Variants in C19orf12 observed in about 807,000 individuals in gnomAD.
C19orf12 encodes protein C19orf12.
Under a neutral mutation model 3.8 loss-of-function variants are expected in C19orf12, and 2 were observed. The observed-to-expected ratio is 0.53, with a 90% CI of 0.22 to 1.66. The LOEUF (loss-of-function observed/expected upper bound fraction) is 1.66. C19orf12 is among the 40% of genes most tolerant of loss of function. The pLI is 0.20. For synonymous variants in C19orf12, 89 were observed against 84.6 expected, an observed-to-expected ratio of 1.05 and a Z score of -0.28; for missense variants, 156 against 188.8, an observed-to-expected ratio of 0.83 and a Z score of 1.02.
intron 1 of C19orf12, among the ~76,000 whole-genome samples, chr19:29,713,169 C>G (rs1430659566): frequency 6.6e-6 from 1 of 152,176 alleles, no homozygotes; most frequent in Admixed American, 6.5e-5. Flanking sequence ...CTTCTCCCAC[C>G]GCAAGGCTGC....
At chr19:29,715,417 C>T (rs1013688206), upstream of C19orf12, 1 of 410,592 alleles carries the variant, frequency 2.4e-6, no homozygotes, top group Non-Finnish European at 4.9e-6. Flanking sequence ...CCGCCGCTGT[C>T]ACCGGGGCCC....
At chr19:29,715,306 G>A (rs1284196065), upstream of C19orf12, 1 of 394,052 alleles carries the variant, frequency 2.5e-6, no homozygotes, top group Admixed American at 3.0e-5. Flanking sequence ...GGGCCTTCCG[G>A]GAAGCCACGC....
intron 2 of C19orf12, among the ~76,000 whole-genome samples, chr19:29,704,004 T>A (rs1448120674): frequency 2.0e-5 from 3 of 150,904 alleles, no homozygotes; most frequent in Non-Finnish European, 4.4e-5. Flanking sequence ...AAAGAAACCA[T>A]CTCAGTGGTG....
rs1204904947 is a variant in C19orf12 at position 29,714,888 on chromosome 19, T to C, written c.-11+237A>G. ...AGCGAGCCAGGGCCCGGGACTCTAG[T>C]CCCAGCTCTGCTGCTTACTTGTGTG... is the stretch of plus-strand genomic sequence containing the variant. On this transcript the variant is annotated intron_variant, in intron 1 of 2. Coordinates refer to ENST00000323670, the MANE Select transcript of C19orf12 (RefSeq NM_031448.6). 6.5e-6 allele frequency: 4 copies of C among 619,828 alleles called. No homozygotes were observed. In the Admixed American group the frequency reaches 8.7e-5, roughly 14 times the overall value. The allele number at this position is 619,828 out of a possible 1,614,324, so 38.4% of individuals were successfully genotyped here.
intron 2 of C19orf12, among the ~76,000 whole-genome samples, chr19:29,706,362 T>G (rs1234662544): frequency 6.6e-6 from 1 of 152,190 alleles, no homozygotes; most frequent in African/African-American, 2.4e-5. Flanking sequence ...TTACTGGCTC[T>G]TTGGAGAGGA....
At chr19:29,711,565 C>A (rs2162933) in intron 1 of C19orf12, among the ~76,000 whole-genome samples, 100,175 of 152,082 alleles carry the variant, frequency 0.66, 34,982 homozygotes, top group African/African-American at 0.89. Flanking sequence ...TCCCTTTCCC[C>A]GGGCGTGAAG....
In C19orf12 at chr19:29,702,932, T is replaced by A; in HGVS notation, c.206A>T (p.Gln69Leu). The A allele has an allele frequency of 6.2e-7, 1 of 1,614,168 alleles. No individual in the cohort carries two copies. Among genetic ancestry groups the A allele is most frequent in the African/African-American group, 1.3e-5 (1 of 75,054 alleles). ...TAGGATCTGAGGAACCGGCTTAAAC[T>A]GTCCACTTGTCATCCAGGCACCTAA... Reference protein sequence around the residue: ...GLLGAWMTSGQFKPVPQILME... With the variant: ...GLLGAWMTSGLFKPVPQILME... The change falls in exon 3 of 3, where the codon CAG (glutamine) becomes CTG (leucine). Residue 69 changes from glutamine (Q) to leucine (L), a missense_variant. By Grantham distance (113) the Gln-to-Leu change is moderately radical (BLOSUM62 -2). Transcript: ENST00000323670.
intron 1 of C19orf12, chr19:29,714,878 G>A (rs1599558007): frequency 2.2e-6 from 1 of 447,934 alleles, no homozygotes; most frequent in Non-Finnish European, 4.5e-6. Flanking sequence ...GCCAGGGCCC[G>A]GGACTCTAGT....
rs188837937 is a variant in C19orf12 at position 29,699,324 on chromosome 19, A to T, written c.*3388T>A. On this transcript the variant is annotated 3_prime_UTR_variant, in exon 3 of 3. Transcript: ENST00000323670. ...CTACTAAAAATAAAAAAAAAATAAA[A>T]AAATAAAAATTAGCCGGGCATGGTG... The T allele has an allele frequency of 2.2e-3, 813 of 368,062 alleles. 8 individuals carry two copies. Among genetic ancestry groups the T allele is most frequent in the African/African-American group, 0.017 (774 of 46,628 alleles). The allele number at this position is 368,062 out of a possible 1,614,324, so 22.8% of individuals were successfully genotyped here.
chr19:29,713,625 C>T (rs1972797492), intron 1 of C19orf12, among the ~76,000 whole-genome samples: 1 of 152,172 alleles, frequency 6.6e-6, no homozygotes, highest in South Asian at 2.1e-4. Context: ...AGGTGGATCC[C>T]ACCAGCAAAC....
At chr19:29,705,802 G>A (rs911740292) in intron 2 of C19orf12, among the ~76,000 whole-genome samples, 1 of 152,124 alleles carries the variant, frequency 6.6e-6, no homozygotes, top group African/African-American at 2.4e-5. Flanking sequence ...ACAGAGGCAT[G>A]CGCCACTGCA....
upstream of C19orf12, chr19:29,715,337 C>G (rs1373414554): frequency 5.1e-6 from 2 of 390,562 alleles, no homozygotes; most frequent in South Asian, 3.5e-5. Flanking sequence ...CTCCTGGCTC[C>G]GAGCTGCGCC....
At chr19:29,703,681 A>G (rs1972233423) in intron 2 of C19orf12, among the ~76,000 whole-genome samples, 1 of 152,002 alleles carries the variant, frequency 6.6e-6, no homozygotes, top group Non-Finnish European at 1.5e-5. Flanking sequence ...AACCAGCCAC[A>G]AATGCATTTT....
intron 1 of C19orf12, among the ~76,000 whole-genome samples, chr19:29,708,816 G>T (rs1972515954): frequency 6.6e-6 from 1 of 152,242 alleles, no homozygotes. Context: ...CAGAGAACGG[G>T]AAGTCCCGGC....
rs756687848 is a variant in C19orf12 at position 29,702,897 on chromosome 19, G to T, written c.241C>A (p.Pro81Thr). 1.2e-6 allele frequency: 2 copies of T among 1,614,222 alleles called. No homozygotes were observed. ...AAGAGCCTCTGTTGCTCGGCAGGGG[G>T]CAGCTCCATTAGGATCTGAGGAACC... ...KPVPQILMEL[P>T]PAEQQRLFNE... The change falls in exon 3 of 3, where the codon CCC (proline) becomes ACC (threonine). Residue 81 changes from proline (P) to threonine (T), a missense_variant. By Grantham distance (38) the Pro-to-Thr change is conservative (BLOSUM62 -1). Transcript: ENST00000323670.
intron 1 of C19orf12, among the ~76,000 whole-genome samples, chr19:29,714,286 A>G (rs1972843226): frequency 6.6e-6 from 1 of 152,016 alleles, no homozygotes; most frequent in South Asian, 2.1e-4. Context: ...CAAGGTCAGG[A>G]GTTTGAGATT....
chr19:29,700,371 G>T lies in C19orf12; in HGVS notation c.*2341C>A. 2.2e-6 allele frequency: 1 copy of T among 454,120 alleles called. No homozygotes were observed. The highest frequency in any genetic ancestry group is 4.4e-6 in the Non-Finnish European group (1 of 226,792). The allele number at this position is 454,120 out of a possible 1,614,324, so 28.1% of individuals were successfully genotyped here. On this transcript the variant is annotated 3_prime_UTR_variant, in exon 3 of 3. Transcript: ENST00000323670. Reference sequence around the variant, plus strand: ...GCACTGAACCAAACATCTTTGTTGAGGTTTCATTCTCACGATATCTGCAAA... The same window carrying T: ...GCACTGAACCAAACATCTTTGTTGATGTTTCATTCTCACGATATCTGCAAA...
In C19orf12 at chr19:29,702,331, G is replaced by T; in HGVS notation, c.*381C>A. The T allele has an allele frequency of 2.1e-6, 1 of 475,284 alleles. No individual in the cohort carries two copies. Among genetic ancestry groups the T allele is most frequent in the Non-Finnish European group, 4.1e-6 (1 of 241,450 alleles). The allele number at this position is 475,284 out of a possible 1,614,324, so 29.4% of individuals were successfully genotyped here. A position where few individuals can be genotyped will look rare whatever the true frequency, so the allele number is the denominator to read the frequency against. Reference sequence around the variant, plus strand: ...CTGAAGAGGAGTCATCTCCCAAGATGAGAAGGCCCCGGGGGGAGGATGAAG... The same window carrying T: ...CTGAAGAGGAGTCATCTCCCAAGATTAGAAGGCCCCGGGGGGAGGATGAAG... On this transcript the variant is annotated 3_prime_UTR_variant, in exon 3 of 3. Coordinates refer to ENST00000323670, the MANE Select transcript of C19orf12 (RefSeq NM_031448.6).
In C19orf12 at chr19:29,702,887, T is replaced by C; in HGVS notation, c.251A>G (p.Glu84Gly). The change falls in exon 3 of 3, where the codon GAG becomes GGG. Residue 84 changes from glutamate to glycine, a missense_variant. Glu to Gly is a moderately conservative substitution (Grantham distance 98, BLOSUM62 -2). Coordinates refer to ENST00000323670, the MANE Select transcript of C19orf12 (RefSeq NM_031448.6). ...PQILMELPPA[E>G]QQRLFNEAAA... ...GGCTTCGTTAAAGAGCCTCTGTTGCTCGGCAGGGGGCAGCTCCATTAGGAT... is the reference window on the plus strand; with the variant it reads ...GGCTTCGTTAAAGAGCCTCTGTTGCCCGGCAGGGGGCAGCTCCATTAGGAT... 1.2e-6 allele frequency: 2 copies of C among 1,614,174 alleles called. No homozygotes were observed. The highest frequency in any genetic ancestry group is 1.7e-6 in the Non-Finnish European group (2 of 1,180,018).
Sources: allele counts gnomAD v4.1 joint callset (sites outside exome capture counted in the v4.1 genomes callset), GRCh38; gene constraint gnomAD v4.1.1; transcripts MANE v1.5; gene names NCBI Gene and HGNC (gene_info 2026-07-23, HGNC 2026-07-21).